The following SLC8A1 variants were observed in gnomAD, a reference collection of about 807,000 sequenced individuals.
SLC8A1 encodes the protein sodium/calcium exchanger 1.
SLC8A1 carries 18 observed loss-of-function variants against 68.3 expected under a neutral mutation model. The ratio of observed to expected loss-of-function variants is 0.26; its 90% confidence interval spans 0.18 to 0.39. SLC8A1 has a LOEUF of 0.39. Ranked by LOEUF, SLC8A1 falls within the 10% of genes least tolerant of loss-of-function variation. The pLI is 1.00. For missense variants in SLC8A1, 985 were observed against 1,156.7 expected (o/e 0.85, Z 2.15); for synonymous variants, 475 against 415.5 (o/e 1.14, Z -1.74).
intron 2 of SLC8A1, among the ~76,000 whole-genome samples, chr2:40,338,292 C>T (rs570533574): frequency 4.8e-4 from 73 of 152,258 alleles, no homozygotes; most frequent in African/African-American, 1.7e-3. Context: ...ATAAATTTGG[C>T]ACCTGGTTTT....
intron 1 of SLC8A1, among the ~76,000 whole-genome samples, chr2:40,479,517 A>G (rs191867968): frequency 6.6e-6 from 1 of 152,274 alleles, no homozygotes; most frequent in Non-Finnish European, 1.5e-5. Context: ...TTCTCTCTCA[A>G]GATATTCTCA....
intron 1 of SLC8A1, among the ~76,000 whole-genome samples, chr2:40,448,627 T>G (rs1389490497): frequency 6.6e-6 from 1 of 152,168 alleles, no homozygotes; most frequent in Non-Finnish European, 1.5e-5. Context: ...ATAAGTGATG[T>G]CAGATAGGAT....
intron 2 of SLC8A1, among the ~76,000 whole-genome samples, chr2:40,284,701 C>A (rs982054504): frequency 6.6e-6 from 1 of 150,438 alleles, no homozygotes; most frequent in Non-Finnish European, 1.5e-5. Flanking sequence ...TTTTTTGTTG[C>A]TTGGTCTTAT....
chr2:40,108,744 A>G (rs1480885251), exon 8 of SLC8A1: 1 of 152,178 alleles, frequency 6.6e-6, no homozygotes, highest in Non-Finnish European at 1.5e-5. Context: ...TACGTCAAAA[A>G]GTGGTTACAT....
intron 2 of SLC8A1, among the ~76,000 whole-genome samples, chr2:40,277,019 A>C (rs2066787485): frequency 6.6e-6 from 1 of 152,214 alleles, no homozygotes. Context: ...TCATCTGAAA[A>C]ATATGCCATA....
At chr2:40,276,955 T>A (rs959084381) in intron 2 of SLC8A1, among the ~76,000 whole-genome samples, 9 of 152,108 alleles carry the variant, frequency 5.9e-5, no homozygotes, top group African/African-American at 2.2e-4. Context: ...ATGACCAAGG[T>A]TAGAAAGTCT....
intron 1 of SLC8A1, among the ~76,000 whole-genome samples, chr2:40,478,223 C>G (rs1322917058): frequency 9.1e-6 from 1 of 109,732 alleles, no homozygotes; most frequent in African/African-American, 3.6e-5. Flanking sequence ...GATACACCCA[C>G]CCGCCCTCAC....
At chr2:40,509,783 A>G (rs1342898021) in intron 1 of SLC8A1, among the ~76,000 whole-genome samples, 1 of 151,518 alleles carries the variant, frequency 6.6e-6, no homozygotes, top group Non-Finnish European at 1.5e-5. Context: ...TTCATACCTC[A>G]GCTAACTATA....
In SLC8A1 at chr2:40,500,795, C is replaced by CTTTTT. The variant is rs1191619172; in HGVS notation, c.-25+11549_-25+11553dup. On this transcript the variant is annotated intron_variant, in intron 1 of 7. Transcript: ENST00000402441. ...TATAAGGTAAGGTATTATCATCTGA[C>CTTTTT]TTTTTTTTTTTTTTTTTTTTTTTTT... Among the ~76,000 whole-genome samples, 127 of 37,144 alleles carry CTTTTT rather than the reference C, an allele frequency of 3.4e-3. 9 individuals carry two copies. Among genetic ancestry groups the CTTTTT allele is most frequent in the Admixed American group, 7.3e-3 (15 of 2,050 alleles). The allele number at this position is 37,144 out of a possible 152,430, so 24.4% of individuals were successfully genotyped here.
intron 2 of SLC8A1, among the ~76,000 whole-genome samples, chr2:40,252,536 G>T (rs953926668): frequency 6.6e-6 from 1 of 152,054 alleles, no homozygotes; most frequent in East Asian, 1.9e-4. Flanking sequence ...GTTTCACCAT[G>T]TTGGCCAGGA....
chr2:40,122,931 A>C (rs1459611124), intron 7 of SLC8A1, among the ~76,000 whole-genome samples: 1 of 152,222 alleles, frequency 6.6e-6, no homozygotes, highest in African/African-American at 2.4e-5. Context: ...TTTTAAGTTC[A>C]AAGAAAGAAA....
At chr2:40,311,959 T>A (rs1015373202) in intron 2 of SLC8A1, among the ~76,000 whole-genome samples, 1 of 152,074 alleles carries the variant, frequency 6.6e-6, no homozygotes, top group African/African-American at 2.4e-5. Flanking sequence ...AAACAAATGT[T>A]TGGGGACTTG....
At position 40,384,814 on chromosome 2, in the gene SLC8A1, C is replaced by A. The variant is rs368038766; in HGVS notation, c.1808+43659G>T. On this transcript the variant is annotated intron_variant, in intron 2 of 7. Coordinates refer to ENST00000406785, the Ensembl canonical transcript of SLC8A1. ...TGTATTAGCTTTTACAATTTTTTCC[C>A]GGCATTTTATCTTCTATTGCAATTA... Among the ~76,000 whole-genome samples the A allele has an allele frequency of 1.1e-4, 17 of 152,078 alleles. No individual in the cohort carries two copies. The South Asian group carries it at 2.7e-3, about 24-fold the overall frequency.
chr2:40,328,624 T>C (rs1438371482), intron 2 of SLC8A1, among the ~76,000 whole-genome samples: 4 of 152,216 alleles, frequency 2.6e-5, no homozygotes, highest in African/African-American at 9.6e-5. Context: ...CAGTTTAAAC[T>C]AGATATCCCA....
intron 1 of SLC8A1, among the ~76,000 whole-genome samples, chr2:40,445,799 AT>A (rs1353310258): frequency 6.6e-6 from 1 of 152,200 alleles, no homozygotes; most frequent in Non-Finnish European, 1.5e-5. Context: ...AAGGGTCCAT[AT>A]CCCCCAACAT....
At chr2:40,368,793 A>G (rs1299457326) in intron 2 of SLC8A1, among the ~76,000 whole-genome samples, 1 of 151,974 alleles carries the variant, frequency 6.6e-6, no homozygotes, top group Non-Finnish European at 1.5e-5. Flanking sequence ...AAACCATACT[A>G]CAGGGTGACA....
chr2:40,342,911 A>G (rs555034277), intron 2 of SLC8A1, among the ~76,000 whole-genome samples: 1 of 152,264 alleles, frequency 6.6e-6, no homozygotes, highest in African/African-American at 2.4e-5. Context: ...AAGATTTATA[A>G]CTGGGTAAAA....
At chr2:40,467,256 T>A (rs1185824493) in intron 1 of SLC8A1, among the ~76,000 whole-genome samples, 1 of 152,194 alleles carries the variant, frequency 6.6e-6, no homozygotes, top group Non-Finnish European at 1.5e-5. Context: ...AAGCTGCCTA[T>A]CTGAAAATGC....
At chr2:40,255,455 TACAGAGA>T (rs1434583798) in intron 2 of SLC8A1, among the ~76,000 whole-genome samples, 2 of 152,194 alleles carry the variant, frequency 1.3e-5, no homozygotes, top group African/African-American at 4.8e-5. Flanking sequence ...AACTATTTTG[TACAGAGA>T]ACATCTCCAC....
Sources: allele counts gnomAD v4.1 joint callset (sites outside exome capture counted in the v4.1 genomes callset), GRCh38; gene constraint gnomAD v4.1.1; transcripts MANE v1.5; gene names NCBI Gene and HGNC (gene_info 2026-07-23, HGNC 2026-07-21).